The following SNX31 variants were observed in gnomAD, a reference collection of about 807,000 sequenced individuals.
The protein encoded by SNX31 is sorting nexin-31.
A neutral mutation model predicts 65.4 loss-of-function variants in SNX31; 58 were observed. That is an observed-to-expected ratio of 0.89 (90% confidence interval 0.72 to 1.10). The LOEUF (loss-of-function observed/expected upper bound fraction) is 1.10. SNX31 is among the 50% of genes least tolerant of loss of function. The probability of loss-of-function intolerance (pLI) is 0.00; values close to 1 mark genes in which losing one functional copy is unlikely to be tolerated. For missense variants in SNX31, 523 were observed against 529.7 expected (o/e 0.99, Z 0.12); for synonymous variants, 181 against 190.1 (o/e 0.95, Z 0.39).
intron 1 of SNX31, among the ~76,000 whole-genome samples, chr8:100,659,148 C>A (rs905258866): frequency 3.9e-5 from 6 of 151,918 alleles, no homozygotes; most frequent in African/African-American, 1.5e-4. Context: ...GAGTTTAAGA[C>A]CAGACTGGCC....
intron 5 of SNX31, among the ~76,000 whole-genome samples, chr8:100,616,826 A>G (rs1222435977): frequency 1.3e-5 from 2 of 152,238 alleles, no homozygotes; most frequent in Admixed American, 6.5e-5. Flanking sequence ...GTCAGACACC[A>G]TAACCCAAGC....
At chr8:100,646,723 C>T (rs1819666887) in intron 2 of SNX31, among the ~76,000 whole-genome samples, 1 of 152,114 alleles carries the variant, frequency 6.6e-6, no homozygotes, top group Non-Finnish European at 1.5e-5. Flanking sequence ...TAATTGTATA[C>T]ATTTACCAAA....
intron 8 of SNX31, among the ~76,000 whole-genome samples, chr8:100,602,889 G>T (rs906146666): frequency 6.6e-6 from 1 of 152,220 alleles, no homozygotes; most frequent in African/African-American, 2.4e-5. Context: ...ATGCTTGACT[G>T]CAGGTAACTG....
chr8:100,597,980 G>A (rs758690477), intron 9 of SNX31, among the ~76,000 whole-genome samples: 17 of 152,236 alleles, frequency 1.1e-4, no homozygotes, highest in Non-Finnish European at 2.5e-4. Flanking sequence ...TCCCACTTTA[G>A]CACATGGTTA....
intron 11 of SNX31, among the ~76,000 whole-genome samples, chr8:100,585,952 G>C (rs913813297): frequency 2.6e-5 from 4 of 151,766 alleles, no homozygotes; most frequent in Non-Finnish European, 5.9e-5. Flanking sequence ...ATGGAGTCTT[G>C]CTCTGTCGCC....
chr8:100,631,403 T>C (rs1818404597), intron 3 of SNX31, among the ~76,000 whole-genome samples: 1 of 151,890 alleles, frequency 6.6e-6, no homozygotes, highest in Non-Finnish European at 1.5e-5. Context: ...TGCTGCCAAA[T>C]TTCTTTCTTC....
intron 9 of SNX31, among the ~76,000 whole-genome samples, chr8:100,599,498 T>TG (rs906283636): frequency 6.7e-6 from 1 of 148,186 alleles, no homozygotes; most frequent in African/African-American, 2.5e-5. Context: ...GGCTGGCAGG[T>TG]GGGGGGGATA....
chr8:100,628,584 CT>C (rs1215884832), intron 4 of SNX31, among the ~76,000 whole-genome samples: 2 of 125,442 alleles, frequency 1.6e-5, no homozygotes, highest in African/African-American at 6.2e-5. Flanking sequence ...ACACTGGGGA[CT>C]GTTGTGGGGT....
intron 5 of SNX31, among the ~76,000 whole-genome samples, chr8:100,616,162 C>G (rs532923706): frequency 6.6e-6 from 1 of 152,110 alleles, no homozygotes; most frequent in Non-Finnish European, 1.5e-5. Context: ...CAATGTTGAC[C>G]GAAACGTCAT....
chr8:100,626,175 C>A lies in SNX31; in HGVS notation c.321+4152G>T, dbSNP rs149199621. 3.0e-4 allele frequency among the ~76,000 whole-genome samples: 45 copies of A among 152,246 alleles called. No homozygotes were observed. The East Asian group carries it at 8.1e-3, about 27-fold the overall frequency. On this transcript the variant is annotated intron_variant, in intron 4 of 13. Coordinates refer to ENST00000311812, the MANE Select transcript of SNX31 (RefSeq NM_152628.4). This position sits in a 1 kb window ranked among gnomAD's most constrained non-coding sequence, Gnocchi z 4.4. ...CAGGAGGTGAAGGTAGTGACTACCTCATATCTATTAACATTGTGCCGGATG... is the reference window on the plus strand; with the variant it reads ...CAGGAGGTGAAGGTAGTGACTACCTAATATCTATTAACATTGTGCCGGATG...
At chr8:100,638,703 T>C (rs181822107) in intron 2 of SNX31, among the ~76,000 whole-genome samples, 1 of 152,384 alleles carries the variant, frequency 6.6e-6, no homozygotes, top group East Asian at 1.9e-4. Flanking sequence ...AGTCTCACTC[T>C]ATAATCCAGC....
chr8:100,650,675 G>T (rs1159158954), upstream of SNX31, among the ~76,000 whole-genome samples: 1 of 152,092 alleles, frequency 6.6e-6, no homozygotes, highest in African/African-American at 2.4e-5. Context: ...ACACCTGTGG[G>T]CTAGGAGCCA....
chr8:100,593,655 T>C (rs966829322), intron 10 of SNX31, among the ~76,000 whole-genome samples: 9 of 152,012 alleles, frequency 5.9e-5, no homozygotes, highest in Non-Finnish European at 1.3e-4. Context: ...AGTTTCTCCA[T>C]GTTGGCCAGG....
chr8:100,657,832 C>G, intron 1 of SNX31: 1 of 452,872 alleles, frequency 2.2e-6, no homozygotes, highest in Non-Finnish European at 4.4e-6. Flanking sequence ...GATCGCCCCA[C>G]TGCATTCCAG....
chr8:100,653,780 A>C (rs1017763609), upstream of SNX31, among the ~76,000 whole-genome samples: 38 of 152,262 alleles, frequency 2.5e-4, 1 homozygote, highest in Non-Finnish European at 4.4e-5. Flanking sequence ...ACCAGAGAGC[A>C]GAGGGCTGAG....
intron 4 of SNX31, chr8:100,618,090 C>T: frequency 3.0e-6 from 3 of 985,368 alleles, no homozygotes; most frequent in Non-Finnish European, 3.6e-6. Flanking sequence ...TAAAGCTGCA[C>T]CATTGCAGCA....
chr8:100,655,717 G>A (rs529864577), intron 1 of SNX31, among the ~76,000 whole-genome samples: 6 of 152,292 alleles, frequency 3.9e-5, no homozygotes, highest in Middle Eastern at 3.4e-3. Context: ...TATAGGTGAG[G>A]CCTAAGAAGT....
intron 2 of SNX31, among the ~76,000 whole-genome samples, chr8:100,643,016 C>T (rs1819366452): frequency 2.0e-5 from 3 of 152,060 alleles, no homozygotes; most frequent in Non-Finnish European, 4.4e-5. Context: ...CATGGCAAAA[C>T]CCCCTCTCTA....
chr8:100,613,092 CCAGAAACAAG>C lies in SNX31; in HGVS notation c.433-17_433-8del. 1 of 1,613,106 alleles carries C rather than the reference CCAGAAACAAG, an allele frequency of 6.2e-7. No homozygotes were observed. Among genetic ancestry groups the C allele is most frequent in the Non-Finnish European group, 8.5e-7 (1 of 1,179,160 alleles). On this transcript the variant is annotated splice_polypyrimidine_tract_variant and splice_region_variant and intron_variant, in intron 5 of 13. Coordinates refer to ENST00000311812, the MANE Select transcript of SNX31 (RefSeq NM_152628.4). This position sits in a 1 kb window ranked among gnomAD's most constrained non-coding sequence, Gnocchi z 5.2. ...CAATTTTGTGTGACACCACCTTTAA[CCAGAAACAAG>C]CAGAAAGGGAAAAAGTTAGGTGTGC...
Sources: allele counts gnomAD v4.1 joint callset (sites outside exome capture counted in the v4.1 genomes callset), GRCh38; gene constraint gnomAD v4.1.1; non-coding constraint Gnocchi (gnomAD v3.1); transcripts MANE v1.5; gene names NCBI Gene and HGNC (gene_info 2026-07-23, HGNC 2026-07-21).